WDR7: variants seen among roughly 807,000 people sequenced by gnomAD.
WDR7 encodes WD repeat domain 7.
A neutral mutation model predicts 169.4 loss-of-function variants in WDR7; 46 were observed. That is an observed-to-expected ratio of 0.27 (90% CI 0.21 to 0.35). WDR7 has a LOEUF of 0.35. Ranked by LOEUF, WDR7 falls within the 10% of genes least tolerant of loss-of-function variation. WDR7 has a pLI of 1.00. For missense variants in WDR7, 1,534 were observed against 1,859.3 expected (o/e 0.83, Z 3.22); for synonymous variants, 612 against 666.8 (o/e 0.92, Z 1.27).
chr18:56,734,869 T>G (rs967637482), intron 14 of WDR7, among the ~76,000 whole-genome samples: 2 of 152,170 alleles, frequency 1.3e-5, no homozygotes, highest in Non-Finnish European at 2.9e-5. Context: ...CTATATTGCA[T>G]TGTAGTATAA....
intron 2 of WDR7, among the ~76,000 whole-genome samples, 195 bp from the exon 3 acceptor site, chr18:56,679,137 C>T (rs926489766): frequency 1.3e-5 from 2 of 152,190 alleles, no homozygotes; most frequent in Admixed American, 1.3e-4. Flanking sequence ...TGAAGCCAGC[C>T]AGGCCTGTGT....
chr18:56,872,696 A>G (rs1599117932), intron 20 of WDR7: 1 of 152,234 alleles, frequency 6.6e-6, no homozygotes, highest in East Asian at 1.9e-4. Context: ...ACACAGGGCT[A>G]GTTGAAGGTA....
chr18:56,834,197 G>A (rs888560231), intron 20 of WDR7, among the ~76,000 whole-genome samples: 6 of 152,128 alleles, frequency 3.9e-5, no homozygotes, highest in African/African-American at 1.4e-4. Flanking sequence ...CTCTCTACTA[G>A]GTGCCAGCAA....
intron 1 of WDR7, among the ~76,000 whole-genome samples, chr18:56,668,898 G>T (rs991849609): frequency 2.0e-4 from 30 of 147,744 alleles, no homozygotes; most frequent in African/African-American, 6.9e-4. Context: ...CAAAATCTGT[G>T]TTTTTTTTTT....
At chr18:56,671,901 C>T (rs1251631892) in intron 1 of WDR7, among the ~76,000 whole-genome samples, 2 of 152,116 alleles carry the variant, frequency 1.3e-5, no homozygotes, top group Non-Finnish European at 1.5e-5. Flanking sequence ...TTAGAAAATT[C>T]TTCATAATTA....
chr18:56,703,020 A>G (rs1331081368), intron 12 of WDR7, among the ~76,000 whole-genome samples: 2 of 152,222 alleles, frequency 1.3e-5, no homozygotes, highest in African/African-American at 2.4e-5. Context: ...GTTCTTTAAT[A>G]TATTAGTTAA....
intron 1 of WDR7, among the ~76,000 whole-genome samples, chr18:56,653,079 T>G (rs1456041470): frequency 2.0e-5 from 3 of 152,178 alleles, no homozygotes; most frequent in Non-Finnish European, 2.9e-5. Flanking sequence ...CATTTAGCTT[T>G]AGTGGTGTGA....
intron 19 of WDR7, among the ~76,000 whole-genome samples, chr18:56,800,115 G>C (rs2044648047): frequency 6.6e-6 from 1 of 152,030 alleles, no homozygotes; most frequent in Non-Finnish European, 1.5e-5. Context: ...TCTTCTTACT[G>C]TCTGGCTCAT....
chr18:56,994,946 A>T (rs1032226693), intron 26 of WDR7, among the ~76,000 whole-genome samples: 2 of 152,208 alleles, frequency 1.3e-5, no homozygotes, highest in African/African-American at 4.8e-5. Context: ...CCAGTGGTGC[A>T]TTTCTCACGT....
intron 12 of WDR7, among the ~76,000 whole-genome samples, chr18:56,697,120 T>C (rs2025720646): frequency 6.6e-6 from 1 of 152,214 alleles, no homozygotes; most frequent in South Asian, 2.1e-4. Flanking sequence ...TTAGTCATCT[T>C]TGTGTGCATA....
intron 26 of WDR7, among the ~76,000 whole-genome samples, chr18:57,016,066 A>C (rs1028350032): frequency 1.3e-5 from 2 of 152,090 alleles, no homozygotes; most frequent in African/African-American, 4.8e-5. Flanking sequence ...GTTTTTCGAG[A>C]TTTCAGAGGC....
chr18:56,744,388 T>C (rs1287889198), intron 14 of WDR7, among the ~76,000 whole-genome samples: 1 of 151,886 alleles, frequency 6.6e-6, no homozygotes, highest in African/African-American at 2.4e-5. Context: ...GCTAAGATTG[T>C]CTGTGGGGAG....
intron 20 of WDR7, among the ~76,000 whole-genome samples, chr18:56,824,819 A>G (rs2045167791): frequency 6.6e-6 from 1 of 152,198 alleles, no homozygotes. Flanking sequence ...TACGTGTTCA[A>G]AATTAGGAGA....
Position 56,974,409 on chromosome 18 carries a change from A to C in WDR7, c.4164+11880A>C, listed in dbSNP as rs148408461. ...GATGGGAGTCTCACTTTGTTGCCCA[A>C]GCTGGAGTGCAGTGGCTGTTCACAG... On this transcript the variant is annotated intron_variant, in intron 26 of 27. Transcript: ENST00000254442. 9.4e-3 allele frequency among the ~76,000 whole-genome samples: 1,332 copies of C among 141,552 alleles called. 18 individuals carry two copies. Among genetic ancestry groups the C allele is most frequent in the South Asian group, 0.013 (61 of 4,582 alleles). 92.9% of individuals were successfully genotyped at this position (141,552 alleles called of 152,430 possible).
At chr18:56,779,582 A>C in intron 18 of WDR7, 33 bp downstream of exon 18, 1 of 1,548,574 alleles carries the variant, frequency 6.5e-7, no homozygotes, top group Admixed American at 1.8e-5. Context: ...AGAAAACAAA[A>C]ATATTAAAAA....
At chr18:56,810,489 A>G (rs188605233) in intron 19 of WDR7, among the ~76,000 whole-genome samples, 128 of 152,312 alleles carry the variant, frequency 8.4e-4, no homozygotes, top group Admixed American at 1.6e-3. Context: ...GATTGGGAAC[A>G]AAATAATACA....
At chr18:56,994,937 C>T (rs902153431) in intron 26 of WDR7, among the ~76,000 whole-genome samples, 6 of 152,216 alleles carry the variant, frequency 3.9e-5, no homozygotes, top group Middle Eastern at 3.4e-3. Flanking sequence ...TTTCAGGAAC[C>T]AGTGGTGCAT....
intron 20 of WDR7, among the ~76,000 whole-genome samples, chr18:56,817,337 C>G (rs1273535183): frequency 1.4e-5 from 2 of 143,454 alleles, no homozygotes; most frequent in Non-Finnish European, 3.0e-5. Context: ...GAGTGAGACT[C>G]TGTCTCAAAA....
At chr18:56,991,072 C>T (rs952317757) in intron 26 of WDR7, among the ~76,000 whole-genome samples, 1 of 151,920 alleles carries the variant, frequency 6.6e-6, no homozygotes, top group Non-Finnish European at 1.5e-5. Flanking sequence ...AGGGCATGTG[C>T]CTTTCTCAGC....
Sources: allele counts gnomAD v4.1 joint callset (sites outside exome capture counted in the v4.1 genomes callset), GRCh38; gene constraint gnomAD v4.1.1; transcripts MANE v1.5; gene names NCBI Gene and HGNC (gene_info 2026-07-23, HGNC 2026-07-21).